The following ADAMTSL1 variants were observed in gnomAD, a reference collection of about 807,000 sequenced individuals.
ADAMTSL1 encodes ADAMTS-like protein 1.
Under a neutral mutation model 201.8 loss-of-function variants are expected in ADAMTSL1, and 126 were observed. The observed-to-expected ratio is 0.62, with a 90% CI of 0.54 to 0.72. ADAMTSL1 has a LOEUF of 0.72. Ranked by LOEUF, ADAMTSL1 falls within the 30% of genes least tolerant of loss-of-function variation. The pLI, the probability that ADAMTSL1 is intolerant of heterozygous loss-of-function variation, is 0.00. For synonymous variants in ADAMTSL1, 1,121 were observed against 903.4 expected, an observed-to-expected ratio of 1.24 and a Z score of -4.32; for missense variants, 2,679 against 2,277.8, an observed-to-expected ratio of 1.18 and a Z score of -3.59.
chr9:18,122,785 T>C (rs1740710357), intron 1 of ADAMTSL1, among the ~76,000 whole-genome samples: 1 of 152,100 alleles, frequency 6.6e-6, no homozygotes, highest in African/African-American at 2.4e-5. Context: ...TGGTTTTTTG[T>C]TTTTGTTTTT....
At chr9:17,922,803 G>A (rs1012568706) in intron 1 of ADAMTSL1, among the ~76,000 whole-genome samples, 1 of 152,140 alleles carries the variant, frequency 6.6e-6, no homozygotes, top group Admixed American at 6.6e-5. Context: ...TGAACCACCA[G>A]TTTAAAGTGT....
intron 5 of ADAMTSL1, among the ~76,000 whole-genome samples, chr9:18,623,244 A>C (rs1467980688): frequency 4.8e-5 from 2 of 41,730 alleles, no homozygotes; most frequent in Non-Finnish European, 6.4e-5. Context: ...CAATACTAGC[A>C]AAAAAAAAAA....
chr9:18,023,543 C>T (rs963834063), intron 1 of ADAMTSL1, among the ~76,000 whole-genome samples: 2 of 152,158 alleles, frequency 1.3e-5, no homozygotes, highest in African/African-American at 2.4e-5. Context: ...AAATGCCCTG[C>T]GTCTGACTCA....
At chr9:18,604,538 A>C (rs755426712) in intron 4 of ADAMTSL1, among the ~76,000 whole-genome samples, 6 of 151,982 alleles carry the variant, frequency 3.9e-5, no homozygotes, top group Non-Finnish European at 7.4e-5. Context: ...TGTCTGGTTT[A>C]TTTTACTTAA....
At chr9:18,587,967 C>A (rs549921724) in intron 4 of ADAMTSL1, among the ~76,000 whole-genome samples, 14 of 152,174 alleles carry the variant, frequency 9.2e-5, no homozygotes, top group Admixed American at 9.2e-4. Flanking sequence ...GTAGTGATTT[C>A]CTTTCATTTG....
intron 1 of ADAMTSL1, among the ~76,000 whole-genome samples, chr9:18,040,593 T>C (rs1005808913): frequency 6.6e-6 from 1 of 152,214 alleles, no homozygotes; most frequent in Non-Finnish European, 1.5e-5. Flanking sequence ...GATGTGAATA[T>C]TACTGCTATA....
At chr9:18,069,590 G>C (rs771931756) in intron 1 of ADAMTSL1, among the ~76,000 whole-genome samples, 12 of 152,146 alleles carry the variant, frequency 7.9e-5, no homozygotes, top group Non-Finnish European at 1.6e-4. Context: ...AAAATTTATA[G>C]TTTAAAACAT....
chr9:18,612,745 T>TA (rs1220289959), intron 4 of ADAMTSL1, among the ~76,000 whole-genome samples: 3 of 152,136 alleles, frequency 2.0e-5, no homozygotes, highest in African/African-American at 4.8e-5. Context: ...GACTTAAGTG[T>TA]AAAACCTAAA....
At chr9:18,175,438 T>C (rs1402961345) in intron 2 of ADAMTSL1, among the ~76,000 whole-genome samples, 1 of 152,208 alleles carries the variant, frequency 6.6e-6, no homozygotes, top group Non-Finnish European at 1.5e-5. Flanking sequence ...TGGATACTTG[T>C]ATGTCAAAGC....
chr9:18,090,276 G>A (rs760221539), intron 1 of ADAMTSL1, among the ~76,000 whole-genome samples: 36 of 152,002 alleles, frequency 2.4e-4, no homozygotes, highest in Non-Finnish European at 4.9e-4. Context: ...TGAAAGCAGG[G>A]ACTCAAATAG....
chr9:18,804,602 A>G (rs1430363447), intron 20 of ADAMTSL1, among the ~76,000 whole-genome samples: 1 of 152,244 alleles, frequency 6.6e-6, no homozygotes, highest in Admixed American at 6.5e-5. Flanking sequence ...GTAATGGAAC[A>G]TTAATATTCA....
At chr9:18,592,296 A>G (rs553392798) in intron 4 of ADAMTSL1, among the ~76,000 whole-genome samples, 31 of 152,222 alleles carry the variant, frequency 2.0e-4, no homozygotes, top group African/African-American at 7.2e-4. Context: ...ACACATCACA[A>G]TCCAATCAAG....
At chr9:18,397,685 C>T (rs922210783) in intron 2 of ADAMTSL1, among the ~76,000 whole-genome samples, 4 of 152,056 alleles carry the variant, frequency 2.6e-5, no homozygotes, top group Non-Finnish European at 4.4e-5. Flanking sequence ...TAGGACATAC[C>T]ACAATTTCAG....
intron 2 of ADAMTSL1, among the ~76,000 whole-genome samples, chr9:18,315,662 G>T (rs1022795772): frequency 6.6e-6 from 1 of 152,150 alleles, no homozygotes; most frequent in Non-Finnish European, 1.5e-5. Flanking sequence ...TGGAACTCGC[G>T]CTGGCCCACG....
chr9:18,702,038 A>G (rs1311206837), intron 13 of ADAMTSL1, among the ~76,000 whole-genome samples: 17 of 152,336 alleles, frequency 1.1e-4, no homozygotes, highest in East Asian at 5.8e-4. Context: ...GGAGCAAGTC[A>G]CATCTTACAT....
intron 2 of ADAMTSL1, among the ~76,000 whole-genome samples, chr9:18,309,326 G>A (rs1454180947): frequency 6.6e-6 from 1 of 152,172 alleles, no homozygotes; most frequent in Non-Finnish European, 1.5e-5. Context: ...AGTATTGGAA[G>A]CTGTGGCCAG....
intron 13 of ADAMTSL1, among the ~76,000 whole-genome samples, chr9:18,690,625 G>A (rs1831153725): frequency 6.6e-6 from 1 of 152,124 alleles, no homozygotes; most frequent in Admixed American, 6.6e-5. Context: ...TAAAAAGAAT[G>A]TTCAAGCAGC....
At position 18,095,405 on chromosome 9, in the gene ADAMTSL1, CTTCT is replaced by C. The variant is rs1215943959; in HGVS notation, c.88-68446_88-68443del. Among the ~76,000 whole-genome samples, 3 of 129,950 alleles carry C rather than the reference CTTCT, an allele frequency of 2.3e-5. No individual in the cohort carries two copies. In the East Asian group the frequency reaches 6.6e-4, roughly 28 times the overall value. 85.3% of individuals were successfully genotyped at this position (129,950 alleles called of 152,430 possible). A position where few individuals can be genotyped will look rare whatever the true frequency, so the allele number is the denominator to read the frequency against. ...GTTTTTAGTAATCCCTGATAAGTTTCTTCTTTCTTTCTTTTTTTTTTTTTTTTTT... is the reference window on the plus strand; with the variant it reads ...GTTTTTAGTAATCCCTGATAAGTTTCTTCTTTCTTTTTTTTTTTTTTTTTT... On this transcript the variant is annotated intron_variant, in intron 1 of 29. Coordinates refer to the ADAMTSL1 transcript ENST00000680146.
At chr9:18,104,078 A>G (rs769263773) in intron 1 of ADAMTSL1, among the ~76,000 whole-genome samples, 7 of 152,164 alleles carry the variant, frequency 4.6e-5, no homozygotes, top group Non-Finnish European at 1.0e-4. Context: ...CAGAACTCAT[A>G]TTGTTTAGAA....
Sources: allele counts gnomAD v4.1 joint callset (sites outside exome capture counted in the v4.1 genomes callset), GRCh38; gene constraint gnomAD v4.1.1; transcripts MANE v1.5; gene names NCBI Gene and HGNC (gene_info 2026-07-23, HGNC 2026-07-21).